The following LTF variants were observed in gnomAD, a reference collection of about 807,000 sequenced individuals.
LTF encodes the protein lactotransferrin.
LTF carries 91 observed loss-of-function variants against 87.2 expected under a neutral mutation model. That is an observed-to-expected ratio of 1.04 (90% CI 0.88 to 1.24). The LOEUF (loss-of-function observed/expected upper bound fraction) is 1.24. Ranked by LOEUF, LTF falls within the 50% of genes most tolerant of loss-of-function variation. The pLI is 0.00. For missense variants in LTF, 901 were observed against 904.3 expected, an observed-to-expected ratio of 1.00 and a Z score of 0.05; for synonymous variants, 378 against 356.1, an observed-to-expected ratio of 1.06 and a Z score of -0.69.
chr3:46,439,705 G>A (rs2106829370), intron 14 of LTF, among the ~76,000 whole-genome samples: 1 of 152,336 alleles, frequency 6.6e-6, no homozygotes, highest in Non-Finnish European at 1.5e-5. Flanking sequence ...AGCAATAAAA[G>A]GGAGTGAAGT....
rs755715420 is a variant in LTF at position 46,459,701 on chromosome 3, G to A, written c.162C>T (p.Ser54=). The A allele has an allele frequency of 1.9e-6, 3 of 1,571,640 alleles. No homozygotes were observed. Among genetic ancestry groups the A allele is most frequent in the Non-Finnish European group, 2.6e-6 (3 of 1,162,678 alleles). Residue 54 remains serine (S), a synonymous_variant, in exon 2 of 17, where the codon AGC becomes AGT. Transcript: ENST00000231751. Reference sequence around the variant, plus strand: ...GGATGGGGGAGTCTCTCTTTATGCAGCTGACAGGAGGGCCACGCACTTTTC... The same window carrying A: ...GGATGGGGGAGTCTCTCTTTATGCAACTGACAGGAGGGCCACGCACTTTTC... ...NMRKVRGPPV[S]CIKRDSPIQC...
chr3:46,466,814 C>A (rs528335245), upstream of LTF, among the ~76,000 whole-genome samples: 1 of 152,310 alleles, frequency 6.6e-6, no homozygotes, highest in African/African-American at 2.4e-5. Flanking sequence ...CATCTTTGTA[C>A]CTAAATTGGC....
At chr3:46,471,158 G>C (rs935121430) in intron 1 of LTF, among the ~76,000 whole-genome samples, 2 of 152,114 alleles carry the variant, frequency 1.3e-5, no homozygotes, top group African/African-American at 4.8e-5. Context: ...TCTCCAACAT[G>C]GCCCTTCTAG....
At chr3:46,456,507 G>T in intron 2 of LTF, 109 bp from the exon 3 acceptor site, 1 of 767,026 alleles carries the variant, frequency 1.3e-6, no homozygotes, top group Non-Finnish European at 2.2e-6. Context: ...CGTCAAAGGG[G>T]TCCGCTTTCC....
Position 46,464,843 on chromosome 3 carries a change from G to C in LTF, c.25C>G (p.Leu9Val). Residue 9 changes from leucine to valine, a missense_variant, in exon 1 of 17, where the codon CTG becomes GTG. Leu to Val is a conservative substitution (Grantham distance 32, BLOSUM62 1). Coordinates refer to ENST00000231751, the MANE Select transcript of LTF (RefSeq NM_002343.6). Reference protein sequence around the residue: MKLVFLVLLFLGALGLCLA... With the variant: MKLVFLVLVFLGALGLCLA... ...CACTCACCGAGGGCCCCGAGGAACA[G>C]CAGGACGAGGAAGACAAGTTTCATG... is the stretch of plus-strand genomic sequence containing the variant. The C allele has an allele frequency of 1.2e-6, 2 of 1,613,998 alleles. No individual in the cohort carries two copies. Among genetic ancestry groups the C allele is most frequent in the Middle Eastern group, 1.7e-4 (1 of 6,058 alleles).
intron 4 of LTF, 41 bp from the exon 5 acceptor site, chr3:46,455,483 C>T (rs1405546284): frequency 6.2e-7 from 1 of 1,612,650 alleles, no homozygotes; most frequent in East Asian, 2.2e-5. Context: ...TGTGAGCCAG[C>T]CCTGGTCACA....
At position 46,436,210 on chromosome 3, in the gene LTF, T is replaced by A; in HGVS notation, c.2118A>T (p.Glu706Asp). The change falls in exon 17 of 17, where the codon GAA becomes GAT. Residue 706 changes from glutamate to aspartate, a missense_variant. Coordinates refer to ENST00000231751, the MANE Select transcript of LTF (RefSeq NM_002343.6). ...CSTSPLLEAC[E>D]FLRK ...TTCTTCGGTTTTACTTCCTGAGGAA[T>A]TCACAGGCTTCCAGGAGGGCTGTGG... is the stretch of plus-strand genomic sequence containing the variant. 1.9e-6 allele frequency: 3 copies of A among 1,614,152 alleles called. No homozygotes were observed. The highest frequency in any genetic ancestry group is 2.5e-6 in the Non-Finnish European group (3 of 1,179,988).
intron 1 of LTF, chr3:46,460,699 T>C (rs1703059555): frequency 2.7e-6 from 1 of 371,018 alleles, no homozygotes; most frequent in Non-Finnish European, 5.5e-6. Flanking sequence ...TATTCAACAG[T>C]ACTAGAGATT....
At position 46,459,681 on chromosome 3, in the gene LTF, G is replaced by T; in HGVS notation, c.182C>A (p.Pro61His). The stretch of plus-strand genomic sequence containing the variant: ...CGCAATGGCCTGGATACACTGGATG[G>T]GGGAGTCTCTCTTTATGCAGCTGAC... The part of the protein sequence containing the change: ...PPVSCIKRDS[P>H]IQCIQAIAEN... Residue 61 changes from proline (P) to histidine (H), a missense_variant, in exon 2 of 17, where the codon CCC becomes CAC. Transcript: ENST00000231751. 6.4e-7 allele frequency: 1 copy of T among 1,553,788 alleles called. No individual in the cohort carries two copies. The highest frequency in any genetic ancestry group is 8.7e-7 in the Non-Finnish European group (1 of 1,153,472).
intron 14 of LTF, 33 bp from the exon 15 acceptor site, chr3:46,439,513 C>T: frequency 6.4e-7 from 1 of 1,565,250 alleles, no homozygotes; most frequent in Non-Finnish European, 8.7e-7. Flanking sequence ...ATCATCCACG[C>T]CTCCCCTGCT....
chr3:46,448,200 C>A (rs1436311757), intron 9 of LTF, among the ~76,000 whole-genome samples: 2 of 151,810 alleles, frequency 1.3e-5, no homozygotes, highest in African/African-American at 4.8e-5. Context: ...CCTGTCGCTA[C>A]AATAATAATA....
intron 1 of LTF, among the ~76,000 whole-genome samples, chr3:46,478,426 A>G (rs948954080): frequency 1.2e-4 from 19 of 152,298 alleles, no homozygotes; most frequent in Middle Eastern, 3.4e-3. Context: ...GTTGGTGACA[A>G]AGGGCAGGTG....
At chr3:46,460,048 G>A (rs1225590950) in intron 1 of LTF, among the ~76,000 whole-genome samples, 3 of 152,186 alleles carry the variant, frequency 2.0e-5, no homozygotes, top group Admixed American at 6.5e-5. Flanking sequence ...AAAGGAGAAA[G>A]TCCCTCTAGA....
At chr3:46,445,127 G>C (rs1398033576) in intron 12 of LTF, among the ~76,000 whole-genome samples, 154 bp downstream of exon 12, 1 of 152,186 alleles carries the variant, frequency 6.6e-6, no homozygotes, top group Non-Finnish European at 1.5e-5. Context: ...CACGCCTCCA[G>C]GGGGCAGCCA....
In LTF at chr3:46,436,430, C is replaced by T. The variant is rs552164680; in HGVS notation, c.2099-201G>A. Among the ~76,000 whole-genome samples the T allele has an allele frequency of 4.7e-4, 72 of 152,360 alleles. No homozygotes were observed. The Middle Eastern group carries it at 0.02, about 43-fold the overall frequency. ...AAGGGAGCCAGAGTCTAGCCCTCAC[C>T]AGCCAGGGTGTTTCCCTGCTCTGGC... On this transcript the variant is annotated intron_variant, in intron 16 of 16. Transcript: ENST00000231751.
At chr3:46,471,365 A>G (rs1703283999) in intron 1 of LTF, among the ~76,000 whole-genome samples, 2 of 152,088 alleles carry the variant, frequency 1.3e-5, no homozygotes, top group South Asian at 4.2e-4. Flanking sequence ...ACCTATGTCT[A>G]TACGGGTTAT....
At position 46,450,757 on chromosome 3, in the gene LTF, G is replaced by T. The variant is rs578108857; in HGVS notation, c.704-84C>A. On this transcript the variant is annotated intron_variant, in intron 6 of 16. Coordinates refer to ENST00000231751, the MANE Select transcript of LTF (RefSeq NM_002343.6). ...AGCTATAGTTCCCCTTCTCCCTATA[G>T]AATTTTGAGCTTGGGGAGATAGCTG... 4 of 1,208,402 alleles carry T rather than the reference G, an allele frequency of 3.3e-6. No individual in the cohort carries two copies. The South Asian group carries it at 5.5e-5, about 17-fold the overall frequency. 74.9% of individuals were successfully genotyped at this position (1,208,402 alleles called of 1,614,324 possible).
At chr3:46,465,061 C>A, upstream of LTF, 1 of 621,338 alleles carries the variant, frequency 1.6e-6, no homozygotes, top group South Asian at 1.8e-5. Flanking sequence ...GGACTCCACA[C>A]CGCGCTGCGA....
At chr3:46,450,049 T>C in intron 7 of LTF, 21 bp from the exon 8 acceptor site, 3 of 1,562,260 alleles carry the variant, frequency 1.9e-6, no homozygotes, top group Non-Finnish European at 2.6e-6. Flanking sequence ...AAAAATAGAA[T>C]TATGGTGTCA....
Sources: allele counts gnomAD v4.1 joint callset (sites outside exome capture counted in the v4.1 genomes callset), GRCh38; gene constraint gnomAD v4.1.1; transcripts MANE v1.5; gene names NCBI Gene and HGNC (gene_info 2026-07-23, HGNC 2026-07-21).